The following MYL1 variants were observed in gnomAD, a reference collection of about 807,000 sequenced individuals.
MYL1 encodes myosin light chain 1/3, skeletal muscle isoform.
Under a neutral mutation model 21.8 loss-of-function variants are expected in MYL1, and 16 were observed. The ratio of observed to expected loss-of-function variants is 0.74; its 90% CI spans 0.50 to 1.12. MYL1 has a LOEUF of 1.12. MYL1 is among the 50% of genes most tolerant of loss of function. MYL1 has a pLI of 0.00. For synonymous variants in MYL1, 99 were observed against 85.2 expected (o/e 1.16, Z -0.89); for missense variants, 246 against 241.0 (o/e 1.02, Z -0.14).
chr2:210,310,828 G>C (rs538139029), intron 1 of MYL1, among the ~76,000 whole-genome samples: 1 of 152,100 alleles, frequency 6.6e-6, no homozygotes, highest in South Asian at 2.1e-4. Flanking sequence ...ATACCCTTAA[G>C]AGTAAAAAGG....
intron 1 of MYL1, among the ~76,000 whole-genome samples, chr2:210,310,514 T>TA (rs945960445): frequency 1.5e-4 from 23 of 152,070 alleles, no homozygotes; most frequent in African/African-American, 4.8e-4. Context: ...CCAAAATTAC[T>TA]AAAAAAACTC....
intron 3 of MYL1, among the ~76,000 whole-genome samples, chr2:210,295,548 A>C (rs568834464): frequency 1.2e-4 from 18 of 152,258 alleles, no homozygotes; most frequent in Non-Finnish European, 2.4e-4. Context: ...TGGGAAGCTG[A>C]GGTGGGAGGA....
intron 1 of MYL1, among the ~76,000 whole-genome samples, chr2:210,312,447 T>A (rs906851036): frequency 4.0e-5 from 6 of 151,882 alleles, no homozygotes; most frequent in Non-Finnish European, 8.9e-5. Flanking sequence ...TCTAGAAACA[T>A]TATTAAGTGA....
chr2:210,290,667 A>G (rs1187689329), intron 6 of MYL1, among the ~76,000 whole-genome samples, 200 bp from the exon 7 acceptor site: 2 of 152,202 alleles, frequency 1.3e-5, no homozygotes, highest in African/African-American at 4.8e-5. Context: ...TCTAGAGCAG[A>G]AACTGTTAAA....
intron 1 of MYL1, 23 bp from the exon 2 acceptor site, chr2:210,302,538 A>G (rs1690279629): frequency 3.7e-6 from 6 of 1,606,698 alleles, no homozygotes; most frequent in Non-Finnish European, 4.2e-6. Flanking sequence ...AATTGACCAC[A>G]AAGAATGTTT....
intron 1 of MYL1, among the ~76,000 whole-genome samples, chr2:210,310,128 C>T (rs1483414754): frequency 6.6e-6 from 1 of 151,968 alleles, no homozygotes; most frequent in Non-Finnish European, 1.5e-5. Flanking sequence ...ATTAATATTG[C>T]AATTGGCTAA....
chr2:210,310,716 AG>A (rs1188065529), intron 1 of MYL1, among the ~76,000 whole-genome samples: 1 of 151,970 alleles, frequency 6.6e-6, no homozygotes, highest in African/African-American at 2.4e-5. Flanking sequence ...AGTAGTGAAC[AG>A]TCAAGGTCAA....
intron 1 of MYL1, chr2:210,303,669 C>A: frequency 7.2e-7 from 1 of 1,381,424 alleles, no homozygotes; most frequent in Non-Finnish European, 9.8e-7. Context: ...TTTGACCTCA[C>A]AGCTAGCATC....
At chr2:210,295,448 A>G (rs1575702398) in intron 3 of MYL1, among the ~76,000 whole-genome samples, 2 of 152,064 alleles carry the variant, frequency 1.3e-5, no homozygotes, top group Admixed American at 1.3e-4. Flanking sequence ...AGCCTGGGCA[A>G]CATGGCAAGA....
In MYL1 at chr2:210,298,490, G is replaced by C. The variant is rs1382039930; in HGVS notation, c.234C>G (p.Val78=). ...TGGGATTTGTGCCCAGAGCTCGAAGGACATCACCGACCTGGCTTAAGGTGA... is the reference window on the plus strand; with the variant it reads ...TGGGATTTGTGCCCAGAGCTCGAAGCACATCACCGACCTGGCTTAAGGTGA... ...SKITLSQVGD[V]LRALGTNPTN... The change falls in exon 3 of 7, where the codon GTC becomes GTG. Residue 78 remains valine, a synonymous_variant. Coordinates refer to ENST00000352451, the MANE Select transcript of MYL1 (RefSeq NM_079420.3). The C allele has an allele frequency of 6.2e-7, 1 of 1,614,024 alleles. No homozygotes were observed. Among genetic ancestry groups the C allele is most frequent in the African/African-American group, 1.3e-5 (1 of 75,020 alleles).
At position 210,302,570 on chromosome 2, in the gene MYL1, A is replaced by G; in HGVS notation, c.133-55T>C. 6.3e-6 allele frequency: 10 copies of G among 1,579,226 alleles called. No individual in the cohort carries two copies. The South Asian group carries it at 1.2e-4, about 18-fold the overall frequency. Reference sequence around the variant, plus strand: ...GTTTTAACCAAACAAAAATGTGCTGATTTTTAGTTGTATCCAGCTCATTCC... The same window carrying G: ...GTTTTAACCAAACAAAAATGTGCTGGTTTTTAGTTGTATCCAGCTCATTCC... On this transcript the variant is annotated intron_variant, in intron 1 of 6. Transcript: ENST00000352451.
At chr2:210,305,143 T>C (rs955375392) in intron 1 of MYL1, among the ~76,000 whole-genome samples, 18 of 152,236 alleles carry the variant, frequency 1.2e-4, no homozygotes, top group Admixed American at 9.2e-4. Flanking sequence ...GAAAGACATA[T>C]ACTTTGTAAC....
intron 6 of MYL1, among the ~76,000 whole-genome samples, chr2:210,290,803 T>C (rs1267576278): frequency 2.6e-5 from 4 of 152,144 alleles, no homozygotes; most frequent in Non-Finnish European, 5.9e-5. Flanking sequence ...GTCACAAAGA[T>C]AGAATTTATG....
At chr2:210,293,682 AGTTAAGAGTTGCT>A in intron 5 of MYL1, 28 bp downstream of exon 5, 1 of 1,541,452 alleles carries the variant, frequency 6.5e-7, no homozygotes, top group East Asian at 2.2e-5. Flanking sequence ...CAATCTGATC[AGTTAAGAGTTGCT>A]GTAACCACCA....
chr2:210,294,455 C>T, intron 3 of MYL1, 37 bp from the exon 4 acceptor site: 1 of 1,575,278 alleles, frequency 6.3e-7, no homozygotes, highest in Non-Finnish European at 8.7e-7. Context: ...TATTAGCTAC[C>T]ATAATACTAA....
intron 2 of MYL1, among the ~76,000 whole-genome samples, chr2:210,299,854 C>T (rs900942503): frequency 6.6e-6 from 1 of 152,040 alleles, no homozygotes; most frequent in African/African-American, 2.4e-5. Context: ...TTTTTTTAGG[C>T]TATCAGTGGT....
chr2:210,303,635 G>T (rs28365915), intron 1 of MYL1: 3 of 1,556,278 alleles, frequency 1.9e-6, no homozygotes, highest in African/African-American at 1.4e-5. Flanking sequence ...CCTGGCTGAG[G>T]CTTCCTTTTA....
At chr2:210,291,880 G>T (rs1690080935) in intron 5 of MYL1, among the ~76,000 whole-genome samples, 1 of 152,070 alleles carries the variant, frequency 6.6e-6, no homozygotes, top group South Asian at 2.1e-4. Flanking sequence ...TAGAGACTAA[G>T]TCTCTCCAGA....
At chr2:210,292,175 T>C (rs1010227084) in intron 5 of MYL1, among the ~76,000 whole-genome samples, 9 of 152,204 alleles carry the variant, frequency 5.9e-5, no homozygotes, top group Admixed American at 4.6e-4. Flanking sequence ...TTCAAGCGAT[T>C]CTCGTGCCTC....
Sources: gnomAD v4.1 joint callset for allele counts (sites outside exome capture counted in the v4.1 genomes callset) on GRCh38, gnomAD v4.1.1 for gene constraint, MANE v1.5 for transcripts, NCBI Gene and HGNC (gene_info 2026-07-23, HGNC 2026-07-21) for gene names.